RTL4: variants seen among roughly 807,000 people sequenced by gnomAD.
The protein encoded by RTL4 is retrotransposon Gag like 4.
A neutral mutation model predicts 5.3 loss-of-function variants in RTL4; 4 were observed. The ratio of observed to expected loss-of-function variants is 0.75; its 90% CI spans 0.37 to 1.72. The LOEUF is 1.72. Among genes scored for constraint, RTL4 ranks in the 40% most tolerant of loss-of-function variants. RTL4 has a pLI of 0.04. For missense variants in RTL4, 260 were observed against 227.1 expected, an observed-to-expected ratio of 1.14 and a Z score of -0.93; for synonymous variants, 98 against 87.3, an observed-to-expected ratio of 1.12 and a Z score of -0.68.
chrX:112,331,587 G>A, the RTL4 span, among the ~76,000 whole-genome samples: 3 of 106,778 alleles, frequency 2.8e-5, no homozygotes, highest in South Asian at 8.6e-4. Context: ...AACCATTGTG[G>A]AAGTCAGTGT....
chrX:112,272,404 T>G, the RTL4 span, among the ~76,000 whole-genome samples: 1 of 111,651 alleles, frequency 9.0e-6, no homozygotes, highest in Non-Finnish European at 1.9e-5. Context: ...AAGCTGAGTC[T>G]GGATGAATGG....
At chrX:112,134,918 A>G in the RTL4 span, among the ~76,000 whole-genome samples, 2 of 111,854 alleles carry the variant, frequency 1.8e-5, no homozygotes, top group South Asian at 3.7e-4. Flanking sequence ...GCAGTATTTT[A>G]TTGTATGGAT....
the RTL4 span, among the ~76,000 whole-genome samples, chrX:112,229,042 G>A: frequency 1.8e-5 from 2 of 111,934 alleles, no homozygotes; most frequent in African/African-American, 6.5e-5. Context: ...CCCCTCTAGG[G>A]AAAAAATAAC....
the RTL4 span, among the ~76,000 whole-genome samples, chrX:112,111,872 C>T: frequency 8.9e-6 from 1 of 111,986 alleles, no homozygotes; most frequent in Non-Finnish European, 1.9e-5. Flanking sequence ...CAGTCATGCT[C>T]AATTGGTTCT....
At chrX:112,179,346 TA>T in the RTL4 span, among the ~76,000 whole-genome samples, 20 of 105,561 alleles carry the variant, frequency 1.9e-4, no homozygotes, top group African/African-American at 5.4e-4. Flanking sequence ...TATAGGGACA[TA>T]AAAAAAAAGC....
the RTL4 span, among the ~76,000 whole-genome samples, chrX:112,093,207 G>T: frequency 9.0e-6 from 1 of 111,188 alleles, no homozygotes; most frequent in African/African-American, 3.3e-5. Context: ...TCTTTGCCTT[G>T]GGTTTTGGCA....
chrX:112,239,448 T>C, the RTL4 span, among the ~76,000 whole-genome samples: 1 of 111,108 alleles, frequency 9.0e-6, no homozygotes, highest in African/African-American at 3.3e-5. Flanking sequence ...AATGATGAGG[T>C]GTAAGGCAGA....
the RTL4 span, among the ~76,000 whole-genome samples, chrX:112,404,347 G>A: frequency 8.9e-6 from 1 of 112,072 alleles, no homozygotes; most frequent in Non-Finnish European, 1.9e-5. Flanking sequence ...TGTTTTATTT[G>A]TCCAACTCAG....
chrX:112,194,839 G>A, the RTL4 span, among the ~76,000 whole-genome samples: 5 of 111,983 alleles, frequency 4.5e-5, no homozygotes, highest in Non-Finnish European at 9.4e-5. Context: ...ATGCCAAACA[G>A]AATATACTAA....
chrX:112,165,851 C>T, the RTL4 span, among the ~76,000 whole-genome samples: 1 of 112,035 alleles, frequency 8.9e-6, no homozygotes, highest in Middle Eastern at 4.6e-3. Flanking sequence ...GGTTTATTTC[C>T]TGTCAAGGAG....
At chrX:112,116,410 A>G in the RTL4 span, among the ~76,000 whole-genome samples, 5 of 110,847 alleles carry the variant, frequency 4.5e-5, no homozygotes, top group African/African-American at 1.6e-4. Context: ...TTTATTGTGA[A>G]GAGAGAAAGA....
upstream of RTL4, among the ~76,000 whole-genome samples, chrX:112,449,713 A>G (rs1190325941): frequency 1.8e-5 from 2 of 111,974 alleles, no homozygotes; most frequent in Non-Finnish European, 3.8e-5. Flanking sequence ...ACAAGGTAAA[A>G]TCTGAAGGCC....
At chrX:112,335,099 G>A in the RTL4 span, among the ~76,000 whole-genome samples, 19 of 111,689 alleles carry the variant, frequency 1.7e-4, no homozygotes, top group Admixed American at 2.9e-4. Flanking sequence ...ATAAAACTTC[G>A]CTGTAACTCC....
At chrX:112,454,925 G>A (rs776212767) in exon 1 of RTL4, 1 of 1,210,300 alleles carries the variant, frequency 8.3e-7, no homozygotes. Flanking sequence ...CAGTTTCATG[G>A]TGACCCTGCC....
At chrX:112,161,844 C>CTTTCTTTCTTTCTTTCTTT in the RTL4 span, among the ~76,000 whole-genome samples, 79 of 40,033 alleles carry the variant, frequency 2.0e-3, no homozygotes, top group African/African-American at 3.4e-3. Context: ...TTCCTTCCTT[C>CTTTCTTTCTTTCTTTCTTT]CTTTCTTTCT....
chrX:112,136,231 A>G, the RTL4 span, among the ~76,000 whole-genome samples: 2 of 111,647 alleles, frequency 1.8e-5, no homozygotes, highest in South Asian at 7.5e-4. Context: ...ATTTTGTGCT[A>G]TCATTAGGTT....
chrX:112,375,550 G>C, the RTL4 span, among the ~76,000 whole-genome samples: 18 of 111,312 alleles, frequency 1.6e-4, no homozygotes, highest in African/African-American at 5.5e-4. Flanking sequence ...GGTTGAGGGT[G>C]TCTCTGTTAG....
the RTL4 span, among the ~76,000 whole-genome samples, chrX:112,283,023 C>T: frequency 9.9e-5 from 11 of 111,404 alleles, no homozygotes; most frequent in South Asian, 3.8e-3. Flanking sequence ...AACGTAAGTA[C>T]TTGGTTCTGG....
At chrX:112,302,239 C>T in the RTL4 span, among the ~76,000 whole-genome samples, 3 of 94,669 alleles carry the variant, frequency 3.2e-5, no homozygotes, top group Admixed American at 1.2e-4. Context: ...CCAGCCTGGG[C>T]GACAGAGCAA....
Sources: allele counts gnomAD v4.1 joint callset (sites outside exome capture counted in the v4.1 genomes callset), GRCh38; gene constraint gnomAD v4.1.1; transcripts MANE v1.5; gene names NCBI Gene and HGNC (gene_info 2026-07-23, HGNC 2026-07-21).